Variants in NEU3 observed in about 807,000 individuals in gnomAD.
The protein encoded by NEU3 is sialidase-3.
NEU3 carries 10 observed loss-of-function variants against 11.4 expected under a neutral mutation model. The observed-to-expected ratio is 0.88, with a 90% CI of 0.54 to 1.49. The LOEUF (loss-of-function observed/expected upper bound fraction) is 1.49, where lower values mean the gene tolerates loss of function less well. Among genes scored for constraint, NEU3 ranks in the 40% most tolerant of loss-of-function variants. NEU3 has a pLI of 0.00. For missense variants in NEU3, 529 were observed against 581.8 expected (o/e 0.91, Z 0.93); for synonymous variants, 212 against 228.2 (o/e 0.93, Z 0.64).
chr11:74,988,732 C>A (rs1948694104), upstream of NEU3: 1 of 387,892 alleles, frequency 2.6e-6, no homozygotes, highest in Non-Finnish European at 4.7e-6. Context: ...TGAGGTGGGC[C>A]CAGGGCTTGA....
chr11:74,988,272 G>C (rs570891733), upstream of NEU3: 2 of 152,276 alleles, frequency 1.3e-5, no homozygotes. Flanking sequence ...TGGGCTCAAG[G>C]CATCCTCCCA....
chr11:74,984,862 C>G (rs1948656504), upstream of NEU3, among the ~76,000 whole-genome samples: 1 of 152,008 alleles, frequency 6.6e-6, no homozygotes, highest in African/African-American at 2.4e-5. Flanking sequence ...GTATGGAGGT[C>G]TGGGAGGTCC....
Position 75,006,390 on chromosome 11 carries a change from G to A in NEU3, c.1284G>A (p.Glu428=), listed in dbSNP as rs2094241150. The change falls in exon 3 of 3, where the codon GAG becomes GAA. Residue 428 remains glutamate, a synonymous_variant. Transcript: ENST00000294064. ...AATGTGGGACCAAGCAAGAGTGTGA[G>A]CAGATTGCCTTCCGCCTGTTTACAC... is the stretch of plus-strand genomic sequence containing the variant. ...LFECGTKQEC[E]QIAFRLFTHR... is the part of the protein sequence containing the mutation. 1.2e-6 allele frequency: 2 copies of A among 1,613,884 alleles called. No individual in the cohort carries two copies. The highest frequency in any genetic ancestry group is 1.7e-5 in the Admixed American group (1 of 60,004).
intron 2 of NEU3, among the ~76,000 whole-genome samples, chr11:75,002,655 A>G (rs1248243249): frequency 6.6e-6 from 1 of 152,240 alleles, no homozygotes; most frequent in Admixed American, 6.5e-5. Flanking sequence ...CCTTATGACA[A>G]AGCCAACACT....
intron 3 of NEU3, among the ~76,000 whole-genome samples, chr11:75,018,232 T>C (rs1340443679): frequency 1.3e-5 from 2 of 152,066 alleles, no homozygotes; most frequent in Non-Finnish European, 2.9e-5. Flanking sequence ...CAGATGGAGA[T>C]AAGGTGAGCT....
intron 2 of NEU3, among the ~76,000 whole-genome samples, chr11:75,002,477 T>C (rs1283098732): frequency 1.3e-5 from 2 of 152,254 alleles, no homozygotes; most frequent in African/African-American, 4.8e-5. Context: ...GCAATCACTA[T>C]TGTTTCTTGT....
chr11:74,992,137 G>A (rs1478025636), intron 1 of NEU3, among the ~76,000 whole-genome samples: 1 of 152,234 alleles, frequency 6.6e-6, no homozygotes, highest in African/African-American at 2.4e-5. Flanking sequence ...TGAAACGAGT[G>A]TTCCAGGCAG....
Position 75,005,698 on chromosome 11 carries a change from C to CA in NEU3, c.593dup (p.His198GlnfsTer31). 6.2e-7 allele frequency: 1 copy of CA among 1,614,012 alleles called. No individual in the cohort carries two copies. Among genetic ancestry groups the CA allele is most frequent in the Non-Finnish European group, 8.5e-7 (1 of 1,179,896 alleles). Reference sequence around the variant, plus strand: ...GGCCACATTTGCTGTGGGCCCAGGTCATGGCATCCAGCTGCAGTCAGGGAG... The same window carrying CA: ...GGCCACATTTGCTGTGGGCCCAGGTCAATGGCATCCAGCTGCAGTCAGGGAG... On this transcript the variant is annotated frameshift_variant, in exon 3 of 3. Coordinates refer to ENST00000294064, the MANE Select transcript of NEU3 (RefSeq NM_006656.6). LOFTEE classifies it low-confidence loss of function (END_TRUNC).
chr11:74,987,753 C>T (rs1948681641), upstream of NEU3, among the ~76,000 whole-genome samples: 1 of 152,014 alleles, frequency 6.6e-6, no homozygotes, highest in African/African-American at 2.4e-5. Context: ...GCGGAGCTTG[C>T]AGTGAGCCAA....
intron 2 of NEU3, among the ~76,000 whole-genome samples, chr11:75,003,613 G>C (rs766695864): frequency 5.9e-5 from 9 of 152,138 alleles, no homozygotes; most frequent in Non-Finnish European, 1.2e-4. Context: ...AATCAGGCCA[G>C]GCTCGGTGGC....
intron 3 of NEU3, among the ~76,000 whole-genome samples, chr11:75,017,384 G>C (rs1185998616): frequency 1.3e-5 from 2 of 152,180 alleles, no homozygotes; most frequent in Non-Finnish European, 2.9e-5. Flanking sequence ...GGCTCAGATA[G>C]GTGGATGTGT....
At chr11:74,992,939 A>G (rs1456693468) in intron 1 of NEU3, among the ~76,000 whole-genome samples, 1 of 152,172 alleles carries the variant, frequency 6.6e-6, no homozygotes, top group Non-Finnish European at 1.5e-5. Flanking sequence ...AAGCCTGGGC[A>G]ACAAGAGCAA....
At chr11:75,012,691 A>G (rs368134630), downstream of NEU3, among the ~76,000 whole-genome samples, 26 of 152,356 alleles carry the variant, frequency 1.7e-4, no homozygotes, top group African/African-American at 6.3e-4. Flanking sequence ...GCCATGAACC[A>G]TGGAGCATTT....
At chr11:75,020,488 CT>C (rs1948998257), downstream of NEU3, among the ~76,000 whole-genome samples, 1 of 152,162 alleles carries the variant, frequency 6.6e-6, no homozygotes, top group African/African-American at 2.4e-5. Flanking sequence ...CCATGCTGCT[CT>C]CATGATCGTG....
chr11:74,986,499 T>A (rs867257582), upstream of NEU3, among the ~76,000 whole-genome samples: 1 of 152,258 alleles, frequency 6.6e-6, no homozygotes, highest in Non-Finnish European at 1.5e-5. Flanking sequence ...TTTAAATAGT[T>A]GTAAGACTTC....
In NEU3 at chr11:75,006,404, G is replaced by A. The variant is rs369919491; in HGVS notation, c.1298G>A (p.Arg433His). ...CAAGAGTGTGAGCAGATTGCCTTCC[G>A]CCTGTTTACACACCGGGAGATCCTG... is the stretch of plus-strand genomic sequence containing the variant. ...TKQECEQIAF[R>H]LFTHREILSH... The change falls in exon 3 of 3, where the codon CGC (arginine) becomes CAC (histidine). Residue 433 changes from arginine to histidine, a missense_variant. Arg to His is a conservative substitution (Grantham distance 29). Transcript: ENST00000294064. 97 of 1,613,786 alleles carry A rather than the reference G, an allele frequency of 6.0e-5. No homozygotes were observed. The highest frequency in any genetic ancestry group is 1.0e-4 in the Admixed American group (6 of 59,988).
At chr11:75,012,173 C>T (rs893045357), downstream of NEU3, among the ~76,000 whole-genome samples, 1 of 152,186 alleles carries the variant, frequency 6.6e-6, no homozygotes, top group Non-Finnish European at 1.5e-5. Context: ...GGTAATTCCT[C>T]ACATCCTCGT....
upstream of NEU3, among the ~76,000 whole-genome samples, chr11:74,987,831 T>A (rs1049152036): frequency 7.3e-6 from 1 of 136,284 alleles, no homozygotes; most frequent in African/African-American, 2.8e-5. Flanking sequence ...AAAATAAAAA[T>A]AAAAAAGACC....
Position 75,009,755 on chromosome 11 carries a change from G to C in NEU3, c.*3263G>C, listed in dbSNP as rs887182588. ...GCCTCCTGCTGCTGGTATGTACCCAGGCCAGCCTCCTGCCGACACAGCCTA... is the reference window on the plus strand; with the variant it reads ...GCCTCCTGCTGCTGGTATGTACCCACGCCAGCCTCCTGCCGACACAGCCTA... On this transcript the variant is annotated 3_prime_UTR_variant, in exon 3 of 3. Coordinates refer to ENST00000294064, the MANE Select transcript of NEU3 (RefSeq NM_006656.6). The C allele has an allele frequency of 4.6e-5, 7 of 152,246 alleles. No individual in the cohort carries two copies. Among genetic ancestry groups the C allele is most frequent in the African/African-American group, 1.7e-4 (7 of 41,416 alleles). The allele number at this position is 152,246 out of a possible 1,614,324, so 9.4% of individuals were successfully genotyped here. A position where few individuals can be genotyped will look rare whatever the true frequency, so the allele number is the denominator to read the frequency against.
Sources: allele counts gnomAD v4.1 joint callset (sites outside exome capture counted in the v4.1 genomes callset), GRCh38; gene constraint gnomAD v4.1.1; transcripts MANE v1.5; gene names NCBI Gene and HGNC (gene_info 2026-07-23, HGNC 2026-07-21).